PSG6: variants seen among roughly 807,000 people sequenced by gnomAD.
PSG6 encodes the protein pregnancy specific beta-1-glycoprotein 6.
In PSG6, 51 loss-of-function variants were observed where a neutral mutation model predicts 43.3. The ratio of observed to expected loss-of-function variants is 1.18; its 90% CI spans 0.94 to 1.49. PSG6 has a LOEUF of 1.49. Among genes scored for constraint, PSG6 ranks in the 40% most tolerant of loss-of-function variants. The pLI, the probability that PSG6 is intolerant of heterozygous loss-of-function variation, is 0.00. For missense variants in PSG6, 770 were observed against 522.2 expected (o/e 1.47, Z -4.62); for synonymous variants, 292 against 197.6 (o/e 1.48, Z -4.01).
chr19:42,903,598 A>G (rs1972067443), intron 5 of PSG6: 1 of 1,399,670 alleles, frequency 7.1e-7, no homozygotes. Context: ...CAAATCATAA[A>G]TGAAAATGGA....
chr19:42,902,910 A>G (rs1226950079), intron 5 of PSG6, among the ~76,000 whole-genome samples: 3 of 151,408 alleles, frequency 2.0e-5, no homozygotes, highest in East Asian at 3.9e-4. Context: ...CGCTTTTTTC[A>G]TATCTATGGA....
At chr19:42,908,844 G>A (rs1409119222) in intron 3 of PSG6, among the ~76,000 whole-genome samples, 2 of 151,694 alleles carry the variant, frequency 1.3e-5, no homozygotes, top group Non-Finnish European at 1.5e-5. Flanking sequence ...GGGACCTCAT[G>A]TAAGTTGATT....
At position 42,916,289 on chromosome 19, in the gene PSG6, A is replaced by G. The variant is rs1407160969; in HGVS notation, c.263T>C (p.Ile88Thr). The G allele has an allele frequency of 1.9e-6, 3 of 1,612,044 alleles. No individual in the cohort carries two copies. The Admixed American group carries it at 5.0e-5, about 27-fold the overall frequency. ...TCCACTGTAGGCAGGCCCATATATA[A>G]TTTGACCGTGTACTACATATGATGT... is the stretch of plus-strand genomic sequence containing the variant. Reference protein sequence around the residue: ...YITSYVVHGQIIYGPAYSGRE... With the variant: ...YITSYVVHGQTIYGPAYSGRE... The change falls in exon 2 of 6, where the codon ATT becomes ACT. Residue 88 changes from isoleucine (I) to threonine (T), a missense_variant. Physicochemically the swap from Ile to Thr is moderately conservative, Grantham distance 89 (BLOSUM62 -1). Coordinates refer to ENST00000187910, the MANE Select transcript of PSG6 (RefSeq NM_001031850.4).
intron 5 of PSG6, chr19:42,906,549 G>A (rs1972115241): frequency 7.7e-7 from 1 of 1,294,878 alleles, no homozygotes; most frequent in Non-Finnish European, 1.0e-6. Flanking sequence ...GTTCCTTGTA[G>A]CTCATGGAAT....
Position 42,910,619 on chromosome 19 carries a change from T to A in PSG6, c.667A>T (p.Ser223Cys). The A allele has an allele frequency of 6.2e-7, 1 of 1,612,492 alleles. No homozygotes were observed. The highest frequency in any genetic ancestry group is 8.5e-7 in the Non-Finnish European group (1 of 1,179,252). ...PYECEIRNPV[S>C]ASRSDPVTLN... is the part of the protein sequence containing the mutation. ...GTGACTGGGTCACTGCGGCTGGCAC[T>A]CACTGGGTTCCGTATTTCACATTCA... The change falls in exon 3 of 6, where the codon AGT (serine) becomes TGT (cysteine). Residue 223 changes from serine to cysteine, a missense_variant. Physicochemically the swap from Ser to Cys is moderately radical, Grantham distance 112. Transcript: ENST00000187910.
intron 1 of PSG6, among the ~76,000 whole-genome samples, chr19:42,917,367 T>C (rs1031604342): frequency 6.9e-6 from 1 of 144,084 alleles, no homozygotes; most frequent in Non-Finnish European, 1.5e-5. Flanking sequence ...TTTATTCTTT[T>C]TTTTTTTTTT....
In PSG6 at chr19:42,906,315, G is replaced by A. The variant is rs896134016; in HGVS notation, c.1240+607C>T. Among the ~76,000 whole-genome samples, 18 of 151,616 alleles carry A rather than the reference G, an allele frequency of 1.2e-4. 1 individual carries two copies. Among genetic ancestry groups the A allele is most frequent in the African/African-American group, 4.4e-4 (18 of 41,352 alleles). On this transcript the variant is annotated intron_variant, in intron 5 of 5. Coordinates refer to ENST00000187910, the MANE Select transcript of PSG6 (RefSeq NM_001031850.4). ...CTGCAGCCTGGCCCGGGGGAGGCTTGGCTTCAACTGGCAGCTCGATTTAGC... is the reference window on the plus strand; with the variant it reads ...CTGCAGCCTGGCCCGGGGGAGGCTTAGCTTCAACTGGCAGCTCGATTTAGC...
At chr19:42,912,974 T>C (rs554344519) in intron 2 of PSG6, among the ~76,000 whole-genome samples, 1 of 151,826 alleles carries the variant, frequency 6.6e-6, no homozygotes, top group South Asian at 2.1e-4. Context: ...TAAAAATTGC[T>C]ATTGTCAAAA....
At chr19:42,906,212 AG>A (rs1311592236) in intron 5 of PSG6, among the ~76,000 whole-genome samples, 2 of 151,650 alleles carry the variant, frequency 1.3e-5, no homozygotes, top group East Asian at 3.9e-4. Flanking sequence ...CTGTGCCCAA[AG>A]CCTCATACAG....
chr19:42,906,615 C>A (rs752346913), intron 5 of PSG6: 7 of 1,359,894 alleles, frequency 5.1e-6, no homozygotes, highest in Middle Eastern at 5.4e-4. Flanking sequence ...CAGCGAGAAG[C>A]AACTTGATCT....
At chr19:42,917,075 GT>G (rs35271138) in intron 1 of PSG6, among the ~76,000 whole-genome samples, 5 of 150,652 alleles carry the variant, frequency 3.3e-5, no homozygotes, top group Non-Finnish European at 5.9e-5. Flanking sequence ...TGCCCTGGGT[GT>G]TTTTTTTCCC....
chr19:42,908,916 G>A (rs1972168424), intron 3 of PSG6, among the ~76,000 whole-genome samples: 1 of 151,700 alleles, frequency 6.6e-6, no homozygotes, highest in African/African-American at 2.4e-5. Context: ...AGAATCAGAA[G>A]TTGTTCATGG....
At chr19:42,915,937 C>T (rs62110893) in intron 2 of PSG6, 188 bp downstream of exon 2, 132,936 of 792,502 alleles carry the variant, frequency 0.17, 25,555 homozygotes, top group African/African-American at 0.46. Context: ...GGTCTGGATG[C>T]GGGAAAGGAA....
At position 42,910,685 on chromosome 19, in the gene PSG6, G is replaced by A. The variant is rs1185546124; in HGVS notation, c.601C>T (p.Leu201Phe). 6.2e-7 allele frequency: 1 copy of A among 1,612,244 alleles called. No homozygotes were observed. The highest frequency in any genetic ancestry group is 8.5e-7 in the Non-Finnish European group (1 of 1,179,266). ...TACTTTGTGACACCAAATAGATAGA[G>A]GGTCCTGTTGGTTTTGGACAGCTGC... is the stretch of plus-strand genomic sequence containing the variant. ...RLQLSKTNRT[L>F]YLFGVTKYIA... is the part of the protein sequence containing the mutation. Residue 201 changes from leucine (L) to phenylalanine (F), a missense_variant, in exon 3 of 6, where the codon CTC becomes TTC. Coordinates refer to ENST00000187910, the MANE Select transcript of PSG6 (RefSeq NM_001031850.4).
rs373804290 is a variant in PSG6 at position 42,908,052 on chromosome 19, G to A, written c.707-198C>T. 55 of 923,124 alleles carry A rather than the reference G, an allele frequency of 6.0e-5. No individual in the cohort carries two copies. The African/African-American group carries it at 8.8e-4, about 15-fold the overall frequency. 57.2% of individuals were successfully genotyped at this position (923,124 alleles called of 1,614,324 possible). A position where few individuals can be genotyped will look rare whatever the true frequency, so the allele number is the denominator to read the frequency against. On this transcript the variant is annotated intron_variant, in intron 3 of 5. Coordinates refer to ENST00000187910, the MANE Select transcript of PSG6 (RefSeq NM_001031850.4). ...AGGCCTCCTGCTCTGTCTTAGGGAA[G>A]CACAGACTTTCTCAAGTGTCAATTG...
At chr19:42,913,567 A>G (rs866545413) in intron 2 of PSG6, among the ~76,000 whole-genome samples, 6 of 151,838 alleles carry the variant, frequency 4.0e-5, no homozygotes, top group Middle Eastern at 3.4e-3. Flanking sequence ...AAGTCTCTAG[A>G]AAGTGACCGG....
At chr19:42,903,548 C>G in intron 5 of PSG6, 1 of 1,342,344 alleles carries the variant, frequency 7.4e-7, no homozygotes, top group South Asian at 1.8e-5. Flanking sequence ...CAACCATTAA[C>G]TAGATTGGCT....
intron 5 of PSG6, chr19:42,903,834 A>G: frequency 7.4e-7 from 1 of 1,355,814 alleles, no homozygotes. Flanking sequence ...TTGAGGCTGC[A>G]GTGAGCCATA....
rs1297974784 is a variant in PSG6 at position 42,907,494 on chromosome 19, G to A, written c.985+82C>T. The stretch of plus-strand genomic sequence containing the variant: ...AAGTAAAGTTGTCTATACTTGGACC[G>A]GAGAGAGACTGAGAGGCCTGGCCTC... On this transcript the variant is annotated intron_variant, in intron 4 of 5. Coordinates refer to ENST00000187910, the MANE Select transcript of PSG6 (RefSeq NM_001031850.4). The A allele has an allele frequency of 4.2e-5, 67 of 1,587,836 alleles. 1 individual carries two copies. The highest frequency in any genetic ancestry group is 8.6e-5 in the Admixed American group (5 of 58,444).
Sources: allele counts gnomAD v4.1 joint callset (sites outside exome capture counted in the v4.1 genomes callset), GRCh38; gene constraint gnomAD v4.1.1; transcripts MANE v1.5; gene names NCBI Gene and HGNC (gene_info 2026-07-23, HGNC 2026-07-21).